The following RBPJ variants were observed in gnomAD, a reference collection of about 807,000 sequenced individuals.
RBPJ encodes recombining binding protein suppressor of hairless.
A neutral mutation model predicts 67.8 loss-of-function variants in RBPJ; 9 were observed. That is an observed-to-expected ratio of 0.13 (90% confidence interval 0.08 to 0.23). The LOEUF is 0.23. RBPJ is among the 10% of genes least tolerant of loss of function. The probability of loss-of-function intolerance (pLI) is 1.00; values close to 1 mark genes in which losing one functional copy is unlikely to be tolerated. For missense variants in RBPJ, 305 were observed against 595.6 expected (o/e 0.51, Z 5.08); for synonymous variants, 198 against 203.3 (o/e 0.97, Z 0.22).
At chr4:26,234,746 G>A (rs1719397561) in intron 1 of RBPJ, among the ~76,000 whole-genome samples, 1 of 152,054 alleles carries the variant, frequency 6.6e-6, no homozygotes, top group Non-Finnish European at 1.5e-5. Context: ...AGGCTGGAGT[G>A]CAGTGGTGAG....
intron 1 of RBPJ, among the ~76,000 whole-genome samples, chr4:26,186,635 T>A (rs1364978503): frequency 6.6e-6 from 1 of 152,168 alleles, no homozygotes; most frequent in Non-Finnish European, 1.5e-5. Flanking sequence ...GCTTGGCCAT[T>A]TGCTTTCACA....
At chr4:26,159,566 AAAG>A (rs1453401757), upstream of RBPJ, among the ~76,000 whole-genome samples, 5 of 152,236 alleles carry the variant, frequency 3.3e-5, no homozygotes, top group Non-Finnish European at 5.9e-5. Flanking sequence ...TTTTACATAA[AAAG>A]AAGAATTTCT....
At chr4:26,311,963 A>G (rs535714078) in intron 1 of RBPJ, among the ~76,000 whole-genome samples, 13 of 152,138 alleles carry the variant, frequency 8.5e-5, no homozygotes, top group African/African-American at 2.7e-4. Flanking sequence ...CAGTTCATGG[A>G]CAATTTGCAT....
chr4:26,341,690 G>A (rs919799328), intron 1 of RBPJ, among the ~76,000 whole-genome samples: 1 of 152,014 alleles, frequency 6.6e-6, no homozygotes, highest in African/African-American at 2.4e-5. Context: ...ATTTAGCTGC[G>A]TGGAGGGAAC....
the RBPJ span, among the ~76,000 whole-genome samples, chr4:26,145,759 G>T: frequency 0.059 from 9,028 of 152,236 alleles, 522 homozygotes; most frequent in South Asian, 0.17. Context: ...ATCTTCATTA[G>T]CTCTTTTGAG....
intron 1 of RBPJ, among the ~76,000 whole-genome samples, chr4:26,204,585 G>A (rs980010914): frequency 6.6e-6 from 1 of 152,136 alleles, no homozygotes; most frequent in African/African-American, 2.4e-5. Context: ...ATGCAGAGGG[G>A]TAGCACATTG....
chr4:26,391,408 C>T (rs573837326), intron 2 of RBPJ, among the ~76,000 whole-genome samples: 3 of 152,142 alleles, frequency 2.0e-5, no homozygotes, highest in South Asian at 2.1e-4. Context: ...AAATGGTAGT[C>T]TTTCTAACAG....
intron 3 of RBPJ, chr4:26,410,240 G>T: frequency 4.8e-6 from 1 of 206,308 alleles, no homozygotes; most frequent in Non-Finnish European, 1.0e-5. Flanking sequence ...GTTACCTGGG[G>T]GCATGATCAC....
chr4:26,117,270 A>G, the RBPJ span, among the ~76,000 whole-genome samples: 1 of 152,084 alleles, frequency 6.6e-6, no homozygotes, highest in Non-Finnish European at 1.5e-5. Flanking sequence ...TCCCATGACC[A>G]CAAAACAGAG....
intron 1 of RBPJ, among the ~76,000 whole-genome samples, chr4:26,370,830 C>A (rs1419709912): frequency 6.6e-6 from 1 of 152,004 alleles, no homozygotes; most frequent in East Asian, 1.9e-4. Context: ...CCTGTAATCC[C>A]AGCACTTTGG....
the RBPJ span, chr4:26,112,229 C>T: frequency 6.6e-6 from 1 of 152,486 alleles, no homozygotes; most frequent in African/African-American, 2.4e-5. Context: ...GAAAAACTTC[C>T]AATTTGGGTA....
chr4:26,428,650 T>C, intron 7 of RBPJ, 70 bp from the exon 8 acceptor site: 1 of 1,186,932 alleles, frequency 8.4e-7, no homozygotes, highest in Non-Finnish European at 1.2e-6. Flanking sequence ...CTATGTACTT[T>C]TGATGTTTTA....
intron 1 of RBPJ, among the ~76,000 whole-genome samples, chr4:26,291,176 C>T (rs1209982136): frequency 2.7e-5 from 4 of 150,672 alleles, no homozygotes; most frequent in Admixed American, 6.6e-5. Context: ...GAGAAAGAGG[C>T]GAGTAGGGGG....
chr4:26,114,619 C>T, the RBPJ span, among the ~76,000 whole-genome samples: 8 of 151,688 alleles, frequency 5.3e-5, no homozygotes, highest in Non-Finnish European at 1.0e-4. Flanking sequence ...GGAGAAAATA[C>T]GTACCTTTAG....
intron 1 of RBPJ, among the ~76,000 whole-genome samples, chr4:26,165,545 A>G (rs182358356): frequency 6.4e-4 from 98 of 152,286 alleles, no homozygotes; most frequent in African/African-American, 2.2e-3. Flanking sequence ...ATTCTAGGAT[A>G]TATAATCTGA....
At chr4:26,293,033 A>C (rs1721723548) in intron 1 of RBPJ, among the ~76,000 whole-genome samples, 1 of 150,522 alleles carries the variant, frequency 6.6e-6, no homozygotes, top group African/African-American at 2.4e-5. Context: ...TATACTATGG[A>C]CACTTGGATA....
chr4:26,326,363 T>C (rs979354392), intron 1 of RBPJ, among the ~76,000 whole-genome samples: 4 of 152,172 alleles, frequency 2.6e-5, no homozygotes, highest in African/African-American at 9.7e-5. Context: ...ATTATATTTG[T>C]ATAAAACTGA....
At chr4:26,107,854 C>T in the RBPJ span, among the ~76,000 whole-genome samples, 2 of 152,172 alleles carry the variant, frequency 1.3e-5, no homozygotes, top group East Asian at 3.9e-4. Flanking sequence ...GCTGAGATCA[C>T]ATCACTGTAC....
intron 1 of RBPJ, among the ~76,000 whole-genome samples, chr4:26,280,117 G>A (rs975078680): frequency 6.6e-6 from 1 of 150,998 alleles, no homozygotes; most frequent in South Asian, 2.1e-4. Context: ...AGCCTTGGCC[G>A]GGCACGGTAG....
Sources: allele counts gnomAD v4.1 joint callset (sites outside exome capture counted in the v4.1 genomes callset), GRCh38; gene constraint gnomAD v4.1.1; transcripts MANE v1.5; gene names NCBI Gene and HGNC (gene_info 2026-07-23, HGNC 2026-07-21).